The following TAFA5 variants were observed in gnomAD, a reference collection of about 807,000 sequenced individuals.
TAFA5 encodes TAFA chemokine like family member 5.
A neutral mutation model predicts 15.3 loss-of-function variants in TAFA5; 6 were observed. That is an observed-to-expected ratio of 0.39 (90% CI 0.21 to 0.77). The LOEUF (loss-of-function observed/expected upper bound fraction) is 0.77, where lower values mean the gene tolerates loss of function less well. Ranked by LOEUF, TAFA5 falls within the 30% of genes least tolerant of loss-of-function variation. The pLI is 0.41. For missense variants in TAFA5, 161 were observed against 193.1 expected (o/e 0.83, Z 0.98); for synonymous variants, 103 against 80.7 (o/e 1.28, Z -1.48).
At position 48,576,595 on chromosome 22, in the gene TAFA5, C is replaced by A. The variant is rs773555079; in HGVS notation, c.113-70002C>A. On this transcript the variant is annotated intron_variant, in intron 1 of 3. Transcript: ENST00000402357. The stretch of plus-strand genomic sequence containing the variant: ...AGGTAATTGTCCCCGGGCGCGCGGA[C>A]CGGTCCTCCGCGCTCTGCCCGGCTC... 7.7e-6 allele frequency: 11 copies of A among 1,427,650 alleles called. No homozygotes were observed. The Middle Eastern group carries it at 5.6e-4, about 72-fold the overall frequency. The allele number at this position is 1,427,650 out of a possible 1,614,324, so 88.4% of individuals were successfully genotyped here. A position where few individuals can be genotyped will look rare whatever the true frequency, so the allele number is the denominator to read the frequency against.
intron 1 of TAFA5, among the ~76,000 whole-genome samples, chr22:48,606,795 T>A (rs995872767): frequency 1.3e-5 from 2 of 152,126 alleles, no homozygotes; most frequent in African/African-American, 4.8e-5. Flanking sequence ...ACGCTCTTGG[T>A]GGGAGGAAAG....
intron 1 of TAFA5, among the ~76,000 whole-genome samples, chr22:48,603,004 C>G (rs926224908): frequency 1.5e-4 from 23 of 152,200 alleles, no homozygotes; most frequent in African/African-American, 5.5e-4. Context: ...ATCCACAGCC[C>G]CAGTGAGGTC....
In TAFA5 at chr22:48,550,520, C is replaced by T. The variant is rs1183319350; in HGVS notation, c.112+60816C>T. 1.3e-5 allele frequency among the ~76,000 whole-genome samples: 2 copies of T among 152,186 alleles called. No homozygotes were observed. The highest frequency in any genetic ancestry group is 2.9e-5 in the Non-Finnish European group (2 of 68,024). On this transcript the variant is annotated intron_variant, in intron 1 of 3. Transcript: ENST00000402357. This position sits in a 1 kb window ranked among gnomAD's most constrained non-coding sequence, Gnocchi z 4.1. Reference sequence around the variant, plus strand: ...GGAGCCAGGTGCCCCTGGGAAATGCCGGCATTGTGTGAAGGAGTGTCTTGT... The same window carrying T: ...GGAGCCAGGTGCCCCTGGGAAATGCTGGCATTGTGTGAAGGAGTGTCTTGT...
intron 1 of TAFA5, among the ~76,000 whole-genome samples, chr22:48,569,113 C>G (rs563352685): frequency 5.9e-5 from 9 of 152,318 alleles, no homozygotes; most frequent in Middle Eastern, 3.4e-3. Context: ...GCCGCCTCCC[C>G]TCTCTGGTGC....
At chr22:48,532,433 G>A (rs147130946) in intron 1 of TAFA5, among the ~76,000 whole-genome samples, 40 of 152,314 alleles carry the variant, frequency 2.6e-4, no homozygotes, top group African/African-American at 8.2e-4. Context: ...TCAATCCCAA[G>A]GCTGTTCATG....
At chr22:48,605,747 C>A (rs1305442171) in intron 1 of TAFA5, among the ~76,000 whole-genome samples, 1 of 152,078 alleles carries the variant, frequency 6.6e-6, no homozygotes, top group Non-Finnish European at 1.5e-5. Context: ...CCCCTCTCAC[C>A]CTGTGACATG....
chr22:48,521,337 G>A (rs970046250), intron 1 of TAFA5, among the ~76,000 whole-genome samples: 1 of 152,088 alleles, frequency 6.6e-6, no homozygotes, highest in Non-Finnish European at 1.5e-5. Context: ...TCCAGATCAC[G>A]GCCCAGGGAC....
intron 2 of TAFA5, among the ~76,000 whole-genome samples, chr22:48,686,539 C>T (rs1928358926): frequency 6.6e-6 from 1 of 152,186 alleles, no homozygotes; most frequent in African/African-American, 2.4e-5. Flanking sequence ...TAGATCTAAA[C>T]ATCATAATTG....
intron 3 of TAFA5, among the ~76,000 whole-genome samples, chr22:48,711,960 C>T (rs1252494046): frequency 1.3e-5 from 2 of 152,278 alleles, no homozygotes; most frequent in Non-Finnish European, 2.9e-5. Context: ...GCCCCGTCCC[C>T]TTGCAATGCC....
At chr22:48,670,948 G>A (rs12484312) in intron 2 of TAFA5, among the ~76,000 whole-genome samples, 6,107 of 152,256 alleles carry the variant, frequency 0.04, 185 homozygotes, top group East Asian at 0.14. Flanking sequence ...CTTAAACCTT[G>A]TTAAGTCAAA....
At chr22:48,666,358 C>CT (rs538571640) in intron 2 of TAFA5, among the ~76,000 whole-genome samples, 132 of 152,254 alleles carry the variant, frequency 8.7e-4, no homozygotes, top group African/African-American at 3.0e-3. Flanking sequence ...GTACACTTTA[C>CT]TTTTTTTATA....
At chr22:48,654,588 T>C (rs890550726) in intron 2 of TAFA5, among the ~76,000 whole-genome samples, 2 of 152,240 alleles carry the variant, frequency 1.3e-5, no homozygotes, top group African/African-American at 4.8e-5. Context: ...CCTCGTCCTG[T>C]TGGGCCCCTC....
chr22:48,614,759 C>G (rs1317691198), intron 1 of TAFA5, among the ~76,000 whole-genome samples: 1 of 152,194 alleles, frequency 6.6e-6, no homozygotes. Flanking sequence ...TCCTGTTGAC[C>G]GAGAGCTTCG....
At chr22:48,674,503 C>T (rs927056066) in intron 2 of TAFA5, among the ~76,000 whole-genome samples, 1 of 152,172 alleles carries the variant, frequency 6.6e-6, no homozygotes, top group African/African-American at 2.4e-5. Flanking sequence ...ACAGTTTGCA[C>T]AACGGTGATC....
intron 1 of TAFA5, among the ~76,000 whole-genome samples, chr22:48,594,201 G>T (rs1383416070): frequency 6.6e-6 from 1 of 152,206 alleles, no homozygotes; most frequent in African/African-American, 2.4e-5. Flanking sequence ...CAGTGGAACT[G>T]CCCGGCGTTG....
chr22:48,660,359 G>A (rs1927393217), intron 2 of TAFA5, among the ~76,000 whole-genome samples: 3 of 152,178 alleles, frequency 2.0e-5, no homozygotes, highest in Admixed American at 2.0e-4. Context: ...CAGAAGTGGC[G>A]CTTGCGCACA....
chr22:48,707,467 C>T (rs1929115803), intron 2 of TAFA5, among the ~76,000 whole-genome samples: 1 of 152,172 alleles, frequency 6.6e-6, no homozygotes, highest in Non-Finnish European at 1.5e-5. Context: ...CTAGCTCCCT[C>T]GATCATTGCT....
chr22:48,657,672 C>T (rs1927295850), intron 2 of TAFA5, among the ~76,000 whole-genome samples: 1 of 152,246 alleles, frequency 6.6e-6, no homozygotes, highest in Non-Finnish European at 1.5e-5. Flanking sequence ...CCTGCAGCAC[C>T]ACCGTGATGG....
intron 1 of TAFA5, among the ~76,000 whole-genome samples, chr22:48,600,983 C>T (rs989476039): frequency 1.1e-4 from 17 of 152,230 alleles, no homozygotes; most frequent in Admixed American, 2.6e-4. Flanking sequence ...GTCGTTCAGC[C>T]GGCTTCCTCT....
Sources: allele counts gnomAD v4.1 joint callset (sites outside exome capture counted in the v4.1 genomes callset), GRCh38; gene constraint gnomAD v4.1.1; non-coding constraint Gnocchi (gnomAD v3.1); transcripts MANE v1.5; gene names NCBI Gene and HGNC (gene_info 2026-07-23, HGNC 2026-07-21).